The following MED22 variants were observed in gnomAD, a reference collection of about 807,000 sequenced individuals.
MED22 encodes the protein mediator complex subunit 22.
In MED22, 22 loss-of-function variants were observed where a neutral mutation model predicts 22.7. The ratio of observed to expected loss-of-function variants is 0.97; its 90% CI spans 0.69 to 1.38. MED22 has a LOEUF of 1.38. Ranked by LOEUF, MED22 falls within the 40% of genes most tolerant of loss-of-function variation. The pLI, the probability that MED22 is intolerant of heterozygous loss-of-function variation, is 0.00. For missense variants in MED22, 247 were observed against 263.0 expected, an observed-to-expected ratio of 0.94 and a Z score of 0.42; for synonymous variants, 134 against 119.4, an observed-to-expected ratio of 1.12 and a Z score of -0.80.
Position 133,341,664 on chromosome 9 carries a change from A to T in MED22, c.444T>A (p.Pro148=). Residue 148 remains proline (P), a synonymous_variant, in exon 5 of 5, where the codon CCT becomes CCA. Transcript: ENST00000343730. ...CCAGCCTCCCGTAAGCTTCGCACAG[A>T]GGCAGGTCATTAGCTTCGCAAAGGC... ...SSSLCEANDL[P]LCEAYGRLDL... is the part of the protein sequence containing the mutation. 2 of 1,608,316 alleles carry T rather than the reference A, an allele frequency of 1.2e-6. No homozygotes were observed. The highest frequency in any genetic ancestry group is 1.7e-6 in the Non-Finnish European group (2 of 1,177,392).
chr9:133,340,401 A>T lies in MED22; in HGVS notation c.*1104T>A, dbSNP rs1835973672. On this transcript the variant is annotated 3_prime_UTR_variant, in exon 5 of 5. Transcript: ENST00000343730. ...AAAGATGATGGCCTCCCCCATGAGA[A>T]GATGAAGCACATGGATGGTGCTGGA... 6.6e-6 allele frequency: 1 copy of T among 152,270 alleles called. No homozygotes were observed. The highest frequency in any genetic ancestry group is 1.9e-4 in the East Asian group (1 of 5,178). 9.4% of individuals were successfully genotyped at this position (152,270 alleles called of 1,614,324 possible).
At chr9:133,344,698 G>A (rs1018470498) in intron 3 of MED22, among the ~76,000 whole-genome samples, 11 of 152,324 alleles carry the variant, frequency 7.2e-5, no homozygotes, top group Admixed American at 7.2e-4. Context: ...TGCCAGCTGG[G>A]CAGAGCTCCT....
chr9:133,343,047 G>GCCTCATGT, intron 4 of MED22: 1 of 988,878 alleles, frequency 1.0e-6, no homozygotes, highest in Non-Finnish European at 1.2e-6. Flanking sequence ...AGGAAATGCT[G>GCCTCATGT]CCTCATGTCT....
Position 133,345,169 on chromosome 9 carries a change from C to A in MED22, c.204+3G>T, listed in dbSNP as rs2129963989. The A allele has an allele frequency of 9.9e-6, 16 of 1,613,856 alleles. No homozygotes were observed. In the South Asian group the frequency reaches 1.8e-4, roughly 18 times the overall value. ...GGCCGTGCCCTCCACCCTGGCCACT[C>A]ACGATGTTGGCGGCTCGCACATGCA... On this transcript the variant is annotated splice_donor_region_variant and intron_variant, in intron 3 of 4. Coordinates refer to ENST00000343730, the MANE Select transcript of MED22 (RefSeq NM_133640.5).
intron 3 of MED22, among the ~76,000 whole-genome samples, 156 bp from the exon 4 acceptor site, chr9:133,344,489 T>C (rs1250317549): frequency 6.6e-6 from 1 of 152,164 alleles, no homozygotes; most frequent in African/African-American, 2.4e-5. Context: ...GGTTCATGTG[T>C]GAGAATTAAG....
At chr9:133,342,122 T>C in intron 4 of MED22, 3 of 1,025,246 alleles carry the variant, frequency 2.9e-6, no homozygotes, top group South Asian at 6.8e-5. Context: ...GAGGGCAGAC[T>C]GTGTTCTTTC....
At chr9:133,345,961 G>A (rs987644252) in intron 2 of MED22, among the ~76,000 whole-genome samples, 7 of 152,238 alleles carry the variant, frequency 4.6e-5, no homozygotes, top group African/African-American at 1.7e-4. Context: ...GGACAACAGT[G>A]CCCACCTCAC....
Position 133,341,676 on chromosome 9 carries a change from A to G in MED22, c.432T>C (p.Ala144=), listed in dbSNP as rs2129950114. 5 of 1,607,590 alleles carry G rather than the reference A, an allele frequency of 3.1e-6. No individual in the cohort carries two copies. Among genetic ancestry groups the G allele is most frequent in the Non-Finnish European group, 4.2e-6 (5 of 1,177,092 alleles). Residue 144 remains alanine (A), a synonymous_variant, in exon 5 of 5, where the codon GCT becomes GCC. Transcript: ENST00000343730. The stretch of plus-strand genomic sequence containing the variant: ...AAGCTTCGCACAGAGGCAGGTCATT[A>G]GCTTCGCAAAGGCTTGAGCTTTTCC... ...YYSSSSSLCE[A]NDLPLCEAYG...
chr9:133,346,074 A>C (rs782082572), intron 2 of MED22, among the ~76,000 whole-genome samples: 1 of 152,184 alleles, frequency 6.6e-6, no homozygotes, highest in Non-Finnish European at 1.5e-5. Flanking sequence ...CCTCATCATC[A>C]TCGCTTATGG....
Position 133,341,577 on chromosome 9 carries a change from A to C in MED22, c.531T>G (p.Ser177Arg). The C allele has an allele frequency of 3.2e-6, 5 of 1,579,074 alleles. No individual in the cohort carries two copies. The highest frequency in any genetic ancestry group is 4.3e-6 in the Non-Finnish European group (5 of 1,167,082). ...GGGCTGCCACCTGTAGGGGGCCAGC[A>C]CTGGGCTCCGGGGACGCCAGCAGAG... ...SAPLLASPEP[S>R]AGPLQVAAPA... The change falls in exon 5 of 5, where the codon AGT becomes AGG. Residue 177 changes from serine (S) to arginine (R), a missense_variant. Coordinates refer to ENST00000343730, the MANE Select transcript of MED22 (RefSeq NM_133640.5).
Position 133,338,892 on chromosome 9 carries a change from A to G in MED22, c.*2613T>C. 2.0e-6 allele frequency: 1 copy of G among 489,260 alleles called. No homozygotes were observed. The highest frequency in any genetic ancestry group is 1.5e-5 in the South Asian group (1 of 64,566). The allele number at this position is 489,260 out of a possible 1,614,324, so 30.3% of individuals were successfully genotyped here. On this transcript the variant is annotated 3_prime_UTR_variant, in exon 5 of 5. Transcript: ENST00000343730. ...TGGGCCTGACCTGGTCCTGTTTTAG[A>G]TTTTAAGACTCCAAAATAACAACCA...
rs1836254573 is a variant in MED22, at chr9:133,348,084, G to A, written c.-201C>T. 3 of 1,049,628 alleles carry A rather than the reference G, an allele frequency of 2.9e-6. No homozygotes were observed. In the East Asian group the frequency reaches 7.3e-5, roughly 25 times the overall value. The allele number at this position is 1,049,628 out of a possible 1,614,324, so 65.0% of individuals were successfully genotyped here. Reference sequence around the variant, plus strand: ...GCGCCGCGGTCCGAAAACCTAGTCAGCCGCCGCAGCCTCTCGGCCCCGCCT... The same window carrying A: ...GCGCCGCGGTCCGAAAACCTAGTCAACCGCCGCAGCCTCTCGGCCCCGCCT... On this transcript the variant is annotated 5_prime_UTR_variant, in exon 1 of 5. Transcript: ENST00000343730.
At chr9:133,342,929 CAG>C (rs1836055121) in intron 4 of MED22, 2 of 985,694 alleles carry the variant, frequency 2.0e-6, no homozygotes, top group Non-Finnish European at 2.4e-6. Context: ...CAGGGGCCCT[CAG>C]GGACGGTGGC....
At chr9:133,343,927 A>C in intron 4 of MED22, 198 bp downstream of exon 4, 1 of 1,435,588 alleles carries the variant, frequency 7.0e-7, no homozygotes, top group Non-Finnish European at 9.1e-7. Flanking sequence ...ACTGTGGGAA[A>C]GGCCCAGGGC....
chr9:133,338,932 TA>T lies in MED22; in HGVS notation c.*2572del. 1 of 590,602 alleles carries T rather than the reference TA, an allele frequency of 1.7e-6. No individual in the cohort carries two copies. Among genetic ancestry groups the T allele is most frequent in the Non-Finnish European group, 3.2e-6 (1 of 308,980 alleles). 36.6% of individuals were successfully genotyped at this position (590,602 alleles called of 1,614,324 possible). On this transcript the variant is annotated 3_prime_UTR_variant, in exon 5 of 5. Coordinates refer to ENST00000343730, the MANE Select transcript of MED22 (RefSeq NM_133640.5). ...AATAACAACCAAATGCAACACACAA[TA>T]AAAACAGGCATAAAAGCCTTTCAGC...
In MED22 at chr9:133,341,359, C is replaced by T; in HGVS notation, c.*146G>A. The T allele has an allele frequency of 1.2e-6, 1 of 859,586 alleles. No homozygotes were observed. The highest frequency in any genetic ancestry group is 1.7e-6 in the Non-Finnish European group (1 of 602,510). The allele number at this position is 859,586 out of a possible 1,614,324, so 53.2% of individuals were successfully genotyped here. ...CTGTCCTGGCGGGACCCACCCTGGG[C>T]TAACGGGCTTCCCAAGGAAGTCCTA... is the stretch of plus-strand genomic sequence containing the variant. On this transcript the variant is annotated 3_prime_UTR_variant, in exon 5 of 5. Transcript: ENST00000343730.
At chr9:133,342,644 A>G (rs1836041853) in intron 4 of MED22, 3 of 986,010 alleles carry the variant, frequency 3.0e-6, no homozygotes, top group South Asian at 9.4e-5. Context: ...CTTAAAGGCA[A>G]TGTACAGAGG....
In MED22 at chr9:133,338,657, G is replaced by C; in HGVS notation, c.*2848C>G. 1 of 259,842 alleles carries C rather than the reference G, an allele frequency of 3.8e-6. No individual in the cohort carries two copies. Among genetic ancestry groups the C allele is most frequent in the South Asian group, 4.3e-5 (1 of 23,078 alleles). 16.1% of individuals were successfully genotyped at this position (259,842 alleles called of 1,614,324 possible). A position where few individuals can be genotyped will look rare whatever the true frequency, so the allele number is the denominator to read the frequency against. The stretch of plus-strand genomic sequence containing the variant: ...GGGTTTCTCCATGTTGGTCAGGCTG[G>C]TCTGGAAATCCCGACCTCAGGTGAT... On this transcript the variant is annotated 3_prime_UTR_variant, in exon 5 of 5. Transcript: ENST00000343730.
chr9:133,342,560 G>A (rs1479598677), intron 4 of MED22: 72 of 986,780 alleles, frequency 7.3e-5, no homozygotes, highest in Non-Finnish European at 8.5e-5. Context: ...ACAGGGCAGG[G>A]CAGGGCAGGG....
Sources: allele counts gnomAD v4.1 joint callset (sites outside exome capture counted in the v4.1 genomes callset), GRCh38; gene constraint gnomAD v4.1.1; transcripts MANE v1.5; gene names NCBI Gene and HGNC (gene_info 2026-07-23, HGNC 2026-07-21).